MAF: variants seen among roughly 807,000 people sequenced by gnomAD.
The protein encoded by MAF is transcription factor Maf.
Under a neutral mutation model 22.0 loss-of-function variants are expected in MAF, and 10 were observed. The ratio of observed to expected loss-of-function variants is 0.45; its 90% CI spans 0.28 to 0.77. The LOEUF is 0.77. Among genes scored for constraint, MAF ranks in the 30% least tolerant of loss-of-function variants. MAF has a pLI of 0.12. For missense variants in MAF, 544 were observed against 548.4 expected (o/e 0.99, Z 0.08); for synonymous variants, 337 against 255.8 (o/e 1.32, Z -3.03).
At chr16:79,508,673 A>G in the MAF span, among the ~76,000 whole-genome samples, 257 of 152,354 alleles carry the variant, frequency 1.7e-3, 1 homozygote, top group Middle Eastern at 0.01. Flanking sequence ...AATTACATAT[A>G]GCACAGACTA....
chr16:79,212,411 C>A, the MAF span: 1 of 398,810 alleles, frequency 2.5e-6, no homozygotes, highest in Non-Finnish European at 4.5e-6. Flanking sequence ...TCATAGACTC[C>A]TTTGCTAATG....
the MAF span, among the ~76,000 whole-genome samples, chr16:79,255,981 TC>T: frequency 0.074 from 9,277 of 124,974 alleles, 920 homozygotes; most frequent in African/African-American, 0.19. Context: ...TCTTTTCTTT[TC>T]TTTTTTTTTT....
At chr16:79,556,757 T>C in the MAF span, among the ~76,000 whole-genome samples, 4 of 152,168 alleles carry the variant, frequency 2.6e-5, no homozygotes, top group Non-Finnish European at 5.9e-5. Flanking sequence ...AATCTCTCTA[T>C]GCCATGGGTA....
At chr16:79,424,016 A>G in the MAF span, among the ~76,000 whole-genome samples, 4 of 152,186 alleles carry the variant, frequency 2.6e-5, no homozygotes, top group Non-Finnish European at 5.9e-5. Context: ...AACAGTTCTT[A>G]TTTCATAGGT....
the MAF span, among the ~76,000 whole-genome samples, chr16:79,574,653 T>C: frequency 2.6e-5 from 4 of 152,120 alleles, no homozygotes; most frequent in African/African-American, 9.7e-5. Context: ...ATCGGGGGAA[T>C]GTGACCTACC....
At chr16:79,482,721 G>A in the MAF span, among the ~76,000 whole-genome samples, 1 of 152,054 alleles carries the variant, frequency 6.6e-6, no homozygotes, top group African/African-American at 2.4e-5. Flanking sequence ...GTCTCCCAGT[G>A]CCCCGCTGAG....
the MAF span, among the ~76,000 whole-genome samples, chr16:79,310,819 G>A: frequency 2.6e-5 from 4 of 152,256 alleles, no homozygotes; most frequent in East Asian, 5.8e-4. Context: ...GTCCCTGGTC[G>A]TGTTCCAAAG....
At chr16:79,293,863 GAGAGAGAA>G in the MAF span, among the ~76,000 whole-genome samples, 1 of 145,196 alleles carries the variant, frequency 6.9e-6, no homozygotes, top group Non-Finnish European at 1.5e-5. Context: ...GAGAGAGAGA[GAGAGAGAA>G]AGAGAGGAGA....
chr16:79,429,210 G>C, the MAF span, among the ~76,000 whole-genome samples: 2 of 152,154 alleles, frequency 1.3e-5, no homozygotes, highest in African/African-American at 2.4e-5. Context: ...TGAGCCTCAC[G>C]CTAGACTGGC....
At chr16:79,240,387 TTCAAC>T in the MAF span, among the ~76,000 whole-genome samples, 7 of 148,322 alleles carry the variant, frequency 4.7e-5, no homozygotes, top group African/African-American at 1.7e-4. Flanking sequence ...CCTACAACAC[TTCAAC>T]TACCCCTTCA....
the MAF span, among the ~76,000 whole-genome samples, chr16:79,472,209 T>C: frequency 6.6e-6 from 1 of 152,134 alleles, no homozygotes; most frequent in Non-Finnish European, 1.5e-5. Context: ...GAAGAATAAA[T>C]ATATTACAGG....
At chr16:79,452,845 C>T in the MAF span, among the ~76,000 whole-genome samples, 422 of 152,236 alleles carry the variant, frequency 2.8e-3, no homozygotes, top group African/African-American at 8.6e-3. Flanking sequence ...GGGAAGAGAA[C>T]GAAGATTACA....
chr16:79,377,056 G>C, the MAF span, among the ~76,000 whole-genome samples: 77 of 152,212 alleles, frequency 5.1e-4, no homozygotes, highest in African/African-American at 1.6e-3. Context: ...GGATGGCTGG[G>C]TCAAATGGTA....
chr16:79,512,595 C>G, the MAF span, among the ~76,000 whole-genome samples: 1 of 152,096 alleles, frequency 6.6e-6, no homozygotes. Flanking sequence ...TTCTGCCCGG[C>G]AGTTGGGGAG....
At chr16:79,342,677 T>A in the MAF span, among the ~76,000 whole-genome samples, 802 of 152,174 alleles carry the variant, frequency 5.3e-3, 1 homozygote, top group Non-Finnish European at 8.7e-3. Flanking sequence ...AAAATTAAGA[T>A]CTGTTGAAAG....
At chr16:79,392,329 G>A in the MAF span, among the ~76,000 whole-genome samples, 1 of 148,690 alleles carries the variant, frequency 6.7e-6, no homozygotes. Context: ...GAGGAGGAGG[G>A]GAGAGGAGAG....
At chr16:79,580,045 C>T in the MAF span, among the ~76,000 whole-genome samples, 1 of 151,988 alleles carries the variant, frequency 6.6e-6, no homozygotes, top group Admixed American at 6.6e-5. Flanking sequence ...AAAAGAAACC[C>T]TTCCTTATTA....
At chr16:79,513,785 A>T in the MAF span, among the ~76,000 whole-genome samples, 1 of 152,206 alleles carries the variant, frequency 6.6e-6, no homozygotes, top group African/African-American at 2.4e-5. Context: ...GACACGTTCC[A>T]TATATACTAC....
the MAF span, among the ~76,000 whole-genome samples, chr16:79,389,818 T>C: frequency 6.6e-6 from 1 of 150,700 alleles, no homozygotes; most frequent in Non-Finnish European, 1.5e-5. Context: ...CTACTAAAGA[T>C]ACAAAAAATT....
Sources: allele counts gnomAD v4.1 joint callset (sites outside exome capture counted in the v4.1 genomes callset), GRCh38; gene constraint gnomAD v4.1.1; transcripts MANE v1.5; gene names NCBI Gene and HGNC (gene_info 2026-07-23, HGNC 2026-07-21).